The following PSME3 variants were observed in gnomAD, a reference collection of about 807,000 sequenced individuals.
The protein encoded by PSME3 is proteasome activator subunit 3, also known as proteasome activator complex subunit 3.
A neutral mutation model predicts 38.3 loss-of-function variants in PSME3; 7 were observed. The observed-to-expected ratio is 0.18, with a 90% CI of 0.10 to 0.34. PSME3 has a LOEUF of 0.34. Ranked by LOEUF, PSME3 falls within the 10% of genes least tolerant of loss-of-function variation. PSME3 has a pLI of 1.00. For missense variants in PSME3, 192 were observed against 307.6 expected (o/e 0.62, Z 2.81); for synonymous variants, 108 against 105.7 (o/e 1.02, Z -0.13).
At position 42,841,927 on chromosome 17, in the gene PSME3, ATAAT is replaced by A. The variant is rs10542459; in HGVS notation, c.*352_*355del. The A allele has an allele frequency of 0.02, 3,392 of 171,420 alleles. 119 individuals carry two copies. Among genetic ancestry groups the A allele is most frequent in the African/African-American group, 0.075 (3,170 of 42,178 alleles). The allele number at this position is 171,420 out of a possible 1,614,324, so 10.6% of individuals were successfully genotyped here. On this transcript the variant is annotated 3_prime_UTR_variant, in exon 11 of 11. Transcript: ENST00000590720. Reference sequence around the variant, plus strand: ...TGCGCTTTATGTTTTCTTCCGTTTGATAATTAGTTGGTTAAAAGCTGAGGGAACC... The same window carrying A: ...TGCGCTTTATGTTTTCTTCCGTTTGATAGTTGGTTAAAAGCTGAGGGAACC...
rs1438825800 is a variant in PSME3, at chr17:42,833,466, C to T, written c.-166C>T. ...GAGCAAGCAGGCAGCAGGCTGCCGG[C>T]GGGCGGGCGGACGGCACAGAGGGAG... On this transcript the variant is annotated 5_prime_UTR_variant, in exon 1 of 11. Transcript: ENST00000590720. The T allele has an allele frequency of 8.0e-6, 6 of 754,044 alleles. No individual in the cohort carries two copies. The highest frequency in any genetic ancestry group is 1.3e-5 in the Non-Finnish European group (6 of 468,104). The allele number at this position is 754,044 out of a possible 1,614,324, so 46.7% of individuals were successfully genotyped here.
At position 42,841,875 on chromosome 17, in the gene PSME3, T is replaced by C. The variant is rs1379527014; in HGVS notation, c.*297T>C. ...TGGCACAAAAATACCTGTGTTTTCA[T>C]TCTCCCCCTCTCTCCCTCCTGTGTC... On this transcript the variant is annotated 3_prime_UTR_variant, in exon 11 of 11. Transcript: ENST00000590720. 2 of 254,394 alleles carry C rather than the reference T, an allele frequency of 7.9e-6. No homozygotes were observed. Among genetic ancestry groups the C allele is most frequent in the African/African-American group, 2.2e-5 (1 of 44,932 alleles). The allele number at this position is 254,394 out of a possible 1,614,324, so 15.8% of individuals were successfully genotyped here.
intron 4 of PSME3, among the ~76,000 whole-genome samples, chr17:42,837,365 A>G (rs549321099): frequency 2.0e-5 from 3 of 152,012 alleles, no homozygotes; most frequent in East Asian, 3.9e-4. Flanking sequence ...TTGTATTTTT[A>G]GTAGAGATGG....
chr17:42,835,654 G>A lies in PSME3; in HGVS notation c.243+778G>A, dbSNP rs573212783. ...GCAGGAGAATGGCATGAACCCAGGA[G>A]GCGGAGCTTGCAGTGAGCTGAGATT... On this transcript the variant is annotated intron_variant, in intron 4 of 10. Coordinates refer to ENST00000590720, the MANE Select transcript of PSME3 (RefSeq NM_005789.4). Among the ~76,000 whole-genome samples the A allele has an allele frequency of 2.2e-3, 339 of 152,038 alleles. 1 individual carries two copies. Among genetic ancestry groups the A allele is most frequent in the Non-Finnish European group, 3.8e-3 (257 of 67,990 alleles).
intron 10 of PSME3, among the ~76,000 whole-genome samples, chr17:42,839,834 T>TA (rs1410294292): frequency 6.6e-6 from 1 of 151,584 alleles, no homozygotes; most frequent in Non-Finnish European, 1.5e-5. Flanking sequence ...TCGTCTCTAC[T>TA]AAAAATACAA....
intron 3 of PSME3, 45 bp from the exon 4 acceptor site, chr17:42,834,727 T>C (rs2055441352): frequency 6.2e-7 from 1 of 1,610,672 alleles, no homozygotes; most frequent in African/African-American, 1.3e-5. Flanking sequence ...AATACTTCTT[T>C]GTTCAGCTTG....
chr17:42,835,177 AC>A (rs2055446888), intron 4 of PSME3, among the ~76,000 whole-genome samples: 2 of 151,778 alleles, frequency 1.3e-5, no homozygotes, highest in Admixed American at 1.3e-4. Context: ...AGCTGGGACT[AC>A]AGGAGTCCAC....
intron 1 of PSME3, chr17:42,833,904 C>G (rs1045171700): frequency 6.9e-6 from 10 of 1,451,250 alleles, no homozygotes; most frequent in Non-Finnish European, 8.1e-6. Context: ...TCCGCGGACA[C>G]GTGTTGGACT....
At chr17:42,834,723 T>A (rs749203317) in intron 3 of PSME3, 49 bp from the exon 4 acceptor site, 1 of 1,610,668 alleles carries the variant, frequency 6.2e-7, no homozygotes, top group Non-Finnish European at 8.5e-7. Context: ...ATCAAATACT[T>A]CTTTGTTCAG....
intron 4 of PSME3, among the ~76,000 whole-genome samples, 197 bp from the exon 5 acceptor site, chr17:42,837,452 T>C (rs2055476693): frequency 6.6e-6 from 1 of 152,248 alleles, no homozygotes; most frequent in African/African-American, 2.4e-5. Context: ...CCCAAATTGC[T>C]GGGATTACAG....
At position 42,837,687 on chromosome 17, in the gene PSME3, A is replaced by G. The variant is rs1422669450; in HGVS notation, c.282A>G (p.Glu94=). Residue 94 remains glutamate (E), a synonymous_variant, in exon 5 of 11, where the codon GAA becomes GAG. Coordinates refer to ENST00000590720, the MANE Select transcript of PSME3 (RefSeq NM_005789.4). ...AGCGAAGGTTGGATGAGTGTGAAGA[A>G]GCCTTCCAAGGTAAGAGGCACCCTT... ...YKKRRLDECE[E]AFQGTKVFVM... is the part of the protein sequence containing the mutation. 1 of 1,613,688 alleles carries G rather than the reference A, an allele frequency of 6.2e-7. No individual in the cohort carries two copies. The highest frequency in any genetic ancestry group is 1.3e-5 in the African/African-American group (1 of 74,888).
chr17:42,839,276 C>G lies in PSME3; in HGVS notation c.598-18C>G. 6.2e-7 allele frequency: 1 copy of G among 1,607,554 alleles called. No homozygotes were observed. Reference sequence around the variant, plus strand: ...ATTGGGCTTTGGGGACTAGCTTTTTCCTGTACCCTCCTTGCAGGAGGACTA... The same window carrying G: ...ATTGGGCTTTGGGGACTAGCTTTTTGCTGTACCCTCCTTGCAGGAGGACTA... On this transcript the variant is annotated intron_variant, in intron 9 of 10. Transcript: ENST00000590720.
At position 42,839,379 on chromosome 17, in the gene PSME3, A is replaced by G; in HGVS notation, c.683A>G (p.Tyr228Cys). The G allele has an allele frequency of 6.3e-7, 1 of 1,596,272 alleles. No homozygotes were observed. Among genetic ancestry groups the G allele is most frequent in the Non-Finnish European group, 8.6e-7 (1 of 1,164,648 alleles). The change falls in exon 10 of 11, where the codon TAT becomes TGT. Residue 228 changes from tyrosine to cysteine, a missense_variant and splice_region_variant. By Grantham distance (194) the Tyr-to-Cys change is radical (BLOSUM62 -2). Transcript: ENST00000590720. Reference sequence around the variant, plus strand: ...ATCATATCAGAGCTGAGGAATCAATATGTGAGTAATCTCAGTCCTTGTCCA... The same window carrying G: ...ATCATATCAGAGCTGAGGAATCAATGTGTGAGTAATCTCAGTCCTTGTCCA... ...RLIISELRNQ[Y>C]VTLHDMILKN...
At position 42,838,692 on chromosome 17, in the gene PSME3, C is replaced by T. The variant is rs200079142; in HGVS notation, c.406-39C>T. The T allele has an allele frequency of 3.0e-5, 48 of 1,589,588 alleles. No homozygotes were observed. Among genetic ancestry groups the T allele is most frequent in the Admixed American group, 2.3e-4 (14 of 59,738 alleles). ...TGAATTGTGTACTTCATGGCTTCAG[C>T]CTTCAGGCAAAGGTCCTCATATATG... On this transcript the variant is annotated intron_variant, in intron 6 of 10. Coordinates refer to ENST00000590720, the MANE Select transcript of PSME3 (RefSeq NM_005789.4).
In PSME3 at chr17:42,843,684, G is replaced by C. The variant is rs754107527; in HGVS notation, c.*2106G>C. ...TTTCTTGAGGAGACTCCTAGTTTTGGTTTTCAAATTACTTGGAGGGCTGCC... is the reference window on the plus strand; with the variant it reads ...TTTCTTGAGGAGACTCCTAGTTTTGCTTTTCAAATTACTTGGAGGGCTGCC... On this transcript the variant is annotated 3_prime_UTR_variant, in exon 11 of 11. Coordinates refer to ENST00000590720, the MANE Select transcript of PSME3 (RefSeq NM_005789.4). The C allele has an allele frequency of 2.6e-5, 4 of 152,258 alleles. No individual in the cohort carries two copies. The highest frequency in any genetic ancestry group is 4.4e-5 in the Non-Finnish European group (3 of 68,014). The allele number at this position is 152,258 out of a possible 1,614,324, so 9.4% of individuals were successfully genotyped here.
Position 42,833,529 on chromosome 17 carries a change from C to A in PSME3, c.-103C>A. 3 of 1,471,262 alleles carry A rather than the reference C, an allele frequency of 2.0e-6. No individual in the cohort carries two copies. Among genetic ancestry groups the A allele is most frequent in the South Asian group, 2.3e-5 (2 of 86,594 alleles). 91.1% of individuals were successfully genotyped at this position (1,471,262 alleles called of 1,614,324 possible). ...CAGTGAGTAAGCCAGCAAGGGCGGTCGGGTCCCGAGGTCAGCCGAGATTTC... is the reference window on the plus strand; with the variant it reads ...CAGTGAGTAAGCCAGCAAGGGCGGTAGGGTCCCGAGGTCAGCCGAGATTTC... On this transcript the variant is annotated 5_prime_UTR_variant, in exon 1 of 11. Transcript: ENST00000590720.
intron 10 of PSME3, among the ~76,000 whole-genome samples, chr17:42,841,088 G>A (rs1031779500): frequency 3.4e-5 from 5 of 148,644 alleles, no homozygotes; most frequent in Admixed American, 2.7e-4. Context: ...AGCCGAGATC[G>A]CGCCATTGCA....
In PSME3 at chr17:42,841,836, T is replaced by C. The variant is rs1329265343; in HGVS notation, c.*258T>C. ...TAATTTCTGGAGAACTCCAGGTTTGTGTGTGCAGGATGTTGGCACAAAAAT... is the reference window on the plus strand; with the variant it reads ...TAATTTCTGGAGAACTCCAGGTTTGCGTGTGCAGGATGTTGGCACAAAAAT... On this transcript the variant is annotated 3_prime_UTR_variant, in exon 11 of 11. Transcript: ENST00000590720. 6 of 346,316 alleles carry C rather than the reference T, an allele frequency of 1.7e-5. No individual in the cohort carries two copies. The highest frequency in any genetic ancestry group is 3.1e-5 in the Non-Finnish European group (6 of 191,058). The allele number at this position is 346,316 out of a possible 1,614,324, so 21.5% of individuals were successfully genotyped here.
chr17:42,834,469 A>G, intron 2 of PSME3, 46 bp from the exon 3 acceptor site: 2 of 1,595,196 alleles, frequency 1.3e-6, no homozygotes, highest in Non-Finnish European at 8.6e-7. Context: ...AGAGAGAGAG[A>G]CCTTCCCACA....
Sources: gnomAD v4.1 joint callset for allele counts (sites outside exome capture counted in the v4.1 genomes callset) on GRCh38, gnomAD v4.1.1 for gene constraint, MANE v1.5 for transcripts, NCBI Gene and HGNC (gene_info 2026-07-23, HGNC 2026-07-21) for gene names.